Variants in SAMM50 observed in about 807,000 individuals in gnomAD.
SAMM50 encodes the protein sorting and assembly machinery component 50 homolog.
Under a neutral mutation model 66.9 loss-of-function variants are expected in SAMM50, and 47 were observed. That is an observed-to-expected ratio of 0.70 (90% CI 0.56 to 0.90). SAMM50 has a LOEUF of 0.90. Among genes scored for constraint, SAMM50 ranks in the 40% least tolerant of loss-of-function variants. The pLI is 0.00. For synonymous variants in SAMM50, 191 were observed against 214.1 expected, an observed-to-expected ratio of 0.89 and a Z score of 0.94; for missense variants, 535 against 595.3, an observed-to-expected ratio of 0.90 and a Z score of 1.05.
At chr22:43,996,177 C>G (rs776733450) in intron 14 of SAMM50, 161 bp from the exon 15 acceptor site, 5 of 759,538 alleles carry the variant, frequency 6.6e-6, no homozygotes, top group Non-Finnish European at 9.4e-6. Context: ...AAGGAGGAAG[C>G]AGCCGGGGCC....
chr22:43,979,138 A>G (rs1312283366), intron 10 of SAMM50, among the ~76,000 whole-genome samples: 3 of 151,956 alleles, frequency 2.0e-5, no homozygotes, highest in Non-Finnish European at 4.4e-5. Flanking sequence ...TTCTCTTCTC[A>G]GGGCCCTTTC....
chr22:43,991,501 C>G (rs142777617), intron 14 of SAMM50, among the ~76,000 whole-genome samples: 1,593 of 152,206 alleles, frequency 0.01, 6 homozygotes, highest in Non-Finnish European at 0.015. Flanking sequence ...TTCCTGGGCT[C>G]AAGCCATCTG....
chr22:43,973,830 C>T (rs1054268184), intron 7 of SAMM50, among the ~76,000 whole-genome samples: 2 of 152,082 alleles, frequency 1.3e-5, no homozygotes, highest in African/African-American at 2.4e-5. Flanking sequence ...CCAGGCTGGT[C>T]TCGAACTCCC....
intron 10 of SAMM50, among the ~76,000 whole-genome samples, chr22:43,978,871 A>G (rs1365255759): frequency 1.3e-5 from 2 of 152,114 alleles, no homozygotes; most frequent in East Asian, 3.8e-4. Context: ...AGTGTAATGA[A>G]ATGGTGCATG....
At position 43,963,412 on chromosome 22, in the gene SAMM50, A is replaced by T; in HGVS notation, c.132+16A>T. On this transcript the variant is annotated intron_variant, in intron 2 of 14. Transcript: ENST00000350028. Reference sequence around the variant, plus strand: ...AAACAAAGATGTGAGTTTTCTGTTGAAGGTCTTGATAGAATTGTTAGTGGA... The same window carrying T: ...AAACAAAGATGTGAGTTTTCTGTTGTAGGTCTTGATAGAATTGTTAGTGGA... 6.6e-7 allele frequency: 1 copy of T among 1,510,972 alleles called. No homozygotes were observed. The highest frequency in any genetic ancestry group is 9.2e-7 in the Non-Finnish European group (1 of 1,088,902). 93.6% of individuals were successfully genotyped at this position (1,510,972 alleles called of 1,614,324 possible).
At chr22:43,959,747 G>A (rs1160611169) in intron 1 of SAMM50, among the ~76,000 whole-genome samples, 1 of 152,134 alleles carries the variant, frequency 6.6e-6, no homozygotes, top group East Asian at 1.9e-4. Flanking sequence ...TTTATGGGAT[G>A]TACATTCTAT....
At chr22:43,964,915 G>A (rs1049983166) in intron 3 of SAMM50, among the ~76,000 whole-genome samples, 10 of 152,088 alleles carry the variant, frequency 6.6e-5, no homozygotes, top group African/African-American at 2.4e-4. Flanking sequence ...TGCCAACCCC[G>A]TGGGGTGGGC....
chr22:43,968,742 A>G lies in SAMM50; in HGVS notation c.246A>G (p.Lys82=). The G allele has an allele frequency of 1.9e-6, 3 of 1,611,656 alleles. No homozygotes were observed. The highest frequency in any genetic ancestry group is 2.5e-6 in the Non-Finnish European group (3 of 1,177,818). The change falls in exon 4 of 15, where the codon AAA becomes AAG. Residue 82 remains lysine (K), a synonymous_variant. Coordinates refer to ENST00000350028, the MANE Select transcript of SAMM50 (RefSeq NM_015380.5). ...KAKNLIEVMR[K]SHEAREKLLR... ...CCCCCATTTTATAGGTAATGCGGAA[A>G]TCTCATGAAGCCCGTGAAAAATTGC...
At position 43,990,290 on chromosome 22, in the gene SAMM50, T is replaced by C; in HGVS notation, c.1248T>C (p.Arg416=). Residue 416 remains arginine (R), a synonymous_variant, in exon 14 of 15, where the codon CGT becomes CGC. Transcript: ENST00000350028. The stretch of plus-strand genomic sequence containing the variant: ...GGGAGGGCCCCAAAGCTCATATTCG[T>C]AAGCTGGCTGAGTGCATCCGCTGGT... ...NYGEGPKAHI[R]KLAECIRWSY... is the part of the protein sequence containing the mutation. 2.5e-6 allele frequency: 4 copies of C among 1,614,212 alleles called. No homozygotes were observed. Among genetic ancestry groups the C allele is most frequent in the Non-Finnish European group, 3.4e-6 (4 of 1,180,038 alleles).
chr22:43,996,206 A>T, intron 14 of SAMM50, 132 bp from the exon 15 acceptor site: 1 of 965,520 alleles, frequency 1.0e-6, no homozygotes, highest in Admixed American at 1.7e-5. Flanking sequence ...TGAGGCCGGC[A>T]GCCAGGCAGG....
intron 10 of SAMM50, among the ~76,000 whole-genome samples, chr22:43,980,952 G>C (rs1040801935): frequency 6.6e-6 from 1 of 152,196 alleles, no homozygotes; most frequent in African/African-American, 2.4e-5. Flanking sequence ...CATTGGGGGA[G>C]CCTTGCAGCC....
chr22:43,993,189 GGCTGGAGGGGCGTTGGA>G (rs2050334558), intron 14 of SAMM50, among the ~76,000 whole-genome samples: 2 of 152,198 alleles, frequency 1.3e-5, no homozygotes, highest in South Asian at 4.1e-4. Context: ...GCAGGCCCGG[GGCTGGAGGGGCGTTGGA>G]GCGAGGGAAG....
At chr22:43,994,507 T>G (rs966239146) in intron 14 of SAMM50, among the ~76,000 whole-genome samples, 5 of 152,164 alleles carry the variant, frequency 3.3e-5, no homozygotes, top group Admixed American at 1.3e-4. Context: ...TGGCATGACC[T>G]TCCTAAAGCA....
chr22:43,978,221 A>C (rs963793695), intron 10 of SAMM50, among the ~76,000 whole-genome samples: 3 of 151,928 alleles, frequency 2.0e-5, no homozygotes, highest in African/African-American at 2.4e-5. Flanking sequence ...AGGTGGGTGG[A>C]TCACAAGGTC....
intron 14 of SAMM50, among the ~76,000 whole-genome samples, chr22:43,994,974 G>A (rs1418543811): frequency 6.6e-6 from 1 of 152,164 alleles, no homozygotes; most frequent in East Asian, 1.9e-4. Context: ...CTTATGTTCA[G>A]GCATTTTTCT....
intron 14 of SAMM50, among the ~76,000 whole-genome samples, chr22:43,992,448 C>T (rs1376681389): frequency 1.3e-5 from 2 of 152,238 alleles, no homozygotes; most frequent in African/African-American, 2.4e-5. Context: ...GGCGGCTGCT[C>T]CCACAACCGC....
At position 43,957,129 on chromosome 22, in the gene SAMM50, G is replaced by T. The variant is rs952886945; in HGVS notation, c.21+1531G>T. 4 of 802,702 alleles carry T rather than the reference G, an allele frequency of 5.0e-6. No homozygotes were observed. In the East Asian group the frequency reaches 9.7e-5, roughly 20 times the overall value. The allele number at this position is 802,702 out of a possible 1,614,324, so 49.7% of individuals were successfully genotyped here. A position where few individuals can be genotyped will look rare whatever the true frequency, so the allele number is the denominator to read the frequency against. ...TCTTCTTAAAATTGAAGGTGTTTAT[G>T]CCCGAGATGAAACAGAATTCTATTT... is the stretch of plus-strand genomic sequence containing the variant. On this transcript the variant is annotated intron_variant, in intron 1 of 14. Transcript: ENST00000350028.
rs545364288 is a variant in SAMM50, at chr22:43,963,396, T to C, written c.132T>C (p.Asp44=). 13 of 1,594,264 alleles carry C rather than the reference T, an allele frequency of 8.2e-6. No individual in the cohort carries two copies. The African/African-American group carries it at 1.6e-4, about 20-fold the overall frequency. ...AACAGGAAATTCTTGAAAACAAAGA[T>C]GTGAGTTTTCTGTTGAAGGTCTTGA... The part of the protein sequence containing the change: ...EAKQEILENK[D]VVVQHVHFDG... The change falls in exon 2 of 15, where the codon GAT becomes GAC. Residue 44 remains aspartate, a splice_region_variant and synonymous_variant. Transcript: ENST00000350028.
In SAMM50 at chr22:43,955,471, T is replaced by A; in HGVS notation, c.-107T>A. 2 of 1,316,736 alleles carry A rather than the reference T, an allele frequency of 1.5e-6. No homozygotes were observed. The highest frequency in any genetic ancestry group is 2.1e-6 in the Non-Finnish European group (2 of 940,878). 81.6% of individuals were successfully genotyped at this position (1,316,736 alleles called of 1,614,324 possible). ...TTCCGCGTCCGGGGGTTTGTGGGAG[T>A]TGCCTTGACCTGCAGCTCCGCCACC... On this transcript the variant is annotated 5_prime_UTR_variant, in exon 1 of 15. The change creates a new upstream start codon in the 5' untranslated region. Transcript: ENST00000350028.
Sources: gnomAD v4.1 joint callset for allele counts (sites outside exome capture counted in the v4.1 genomes callset) on GRCh38, gnomAD v4.1.1 for gene constraint, MANE v1.5 for transcripts, NCBI Gene and HGNC (gene_info 2026-07-23, HGNC 2026-07-21) for gene names.